CENPE: variants seen among roughly 807,000 people sequenced by gnomAD.
The protein encoded by CENPE is centromere-associated protein E.
CENPE carries 145 observed loss-of-function variants against 336.1 expected under a neutral mutation model. That is an observed-to-expected ratio of 0.43 (90% CI 0.38 to 0.50). The LOEUF (loss-of-function observed/expected upper bound fraction) is 0.50, where lower values mean the gene tolerates loss of function less well. Among genes scored for constraint, CENPE ranks in the 20% least tolerant of loss-of-function variants. CENPE has a pLI of 0.00. For missense variants in CENPE, 2,719 were observed against 3,023.3 expected, an observed-to-expected ratio of 0.90 and a Z score of 2.36; for synonymous variants, 1,013 against 984.8, an observed-to-expected ratio of 1.03 and a Z score of -0.54.
At chr4:103,171,332 C>T (rs1234416180) in intron 16 of CENPE, among the ~76,000 whole-genome samples, 1 of 151,830 alleles carries the variant, frequency 6.6e-6, no homozygotes, top group Non-Finnish European at 1.5e-5. Flanking sequence ...CTTTTCTGAC[C>T]ACAATGACAT....
At position 103,176,926 on chromosome 4, in the gene CENPE, T is replaced by C. The variant is rs912657532; in HGVS notation, c.1363A>G (p.Ile455Val). ...NITTKTHKLS[I>V]NLLREIDESV... ...TCATCAATTTCTCGTAATAAATTTA[T>C]AGAAAGCTTATGTGTTTTTGTTGTT... Residue 455 changes from isoleucine to valine, a missense_variant, in exon 14 of 49, where the codon ATA (isoleucine) becomes GTA (valine). By Grantham distance (29) the Ile-to-Val change is conservative (BLOSUM62 3). Transcript: ENST00000265148. The C allele has an allele frequency of 7.5e-6, 12 of 1,589,724 alleles. No homozygotes were observed. Among genetic ancestry groups the C allele is most frequent in the South Asian group, 1.1e-5 (1 of 87,238 alleles).
Position 103,138,435 on chromosome 4 carries a change from G to C in CENPE, c.6219C>G (p.His2073Gln), listed in dbSNP as rs1450896756. The C allele has an allele frequency of 6.2e-7, 1 of 1,613,344 alleles. No homozygotes were observed. The highest frequency in any genetic ancestry group is 1.1e-5 in the South Asian group (1 of 91,056). The change falls in exon 39 of 49, where the codon CAC becomes CAG. Residue 2073 changes from histidine to glutamine, a missense_variant. Transcript: ENST00000265148. Reference protein sequence around the residue: ...REMIARDRQNHQVKPEKRLLS... With the variant: ...REMIARDRQNQQVKPEKRLLS... ...GTAACCTTTTTTCAGGTTTTACTTG[G>C]TGGTTCTGTCGGTCCTGCTTTGGTA...
At chr4:103,122,321 T>C (rs1173432484) in intron 43 of CENPE, among the ~76,000 whole-genome samples, 3 of 152,224 alleles carry the variant, frequency 2.0e-5, no homozygotes, top group Admixed American at 2.0e-4. Flanking sequence ...TTTACGCATG[T>C]TGTTAGATTC....
chr4:103,116,703 A>T lies in CENPE; in HGVS notation c.7330-14T>A. ...AGCAACTTTGTCCTAAATTTTTTTT[A>T]GAGAAAATAAAAATAATTATTAGAG... On this transcript the variant is annotated splice_polypyrimidine_tract_variant and intron_variant, in intron 44 of 48. Transcript: ENST00000265148. 1 of 1,412,132 alleles carries T rather than the reference A, an allele frequency of 7.1e-7. No homozygotes were observed. Among genetic ancestry groups the T allele is most frequent in the Non-Finnish European group, 9.7e-7 (1 of 1,028,066 alleles). 87.5% of individuals were successfully genotyped at this position (1,412,132 alleles called of 1,614,324 possible).
chr4:103,124,093 T>A (rs1384972560), intron 42 of CENPE, among the ~76,000 whole-genome samples: 3 of 152,214 alleles, frequency 2.0e-5, no homozygotes, highest in Admixed American at 6.5e-5. Flanking sequence ...TAAATTAAAC[T>A]TTATCATAGG....
rs1560655318 is a variant in CENPE, at chr4:103,169,433, T to A, written c.1647+5303A>T. 2.0e-5 allele frequency among the ~76,000 whole-genome samples: 3 copies of A among 152,212 alleles called. No individual in the cohort carries two copies. In the South Asian group the frequency reaches 6.2e-4, roughly 32 times the overall value. On this transcript the variant is annotated intron_variant, in intron 16 of 48. Coordinates refer to ENST00000265148, the MANE Select transcript of CENPE (RefSeq NM_001813.3). ...ATCCACATATAGGAAGGTCAAAGGT[T>A]ACCAATCAAATTCAATCTAAATGAC... is the stretch of plus-strand genomic sequence containing the variant.
At chr4:103,125,635 C>A (rs527560873) in intron 42 of CENPE, among the ~76,000 whole-genome samples, 1 of 151,922 alleles carries the variant, frequency 6.6e-6, no homozygotes, top group Non-Finnish European at 1.5e-5. Context: ...CAGTCCGAGG[C>A]GGGCAGATCA....
intron 16 of CENPE, among the ~76,000 whole-genome samples, chr4:103,167,760 T>C (rs951430613): frequency 6.6e-6 from 1 of 152,194 alleles, no homozygotes; most frequent in Non-Finnish European, 1.5e-5. Context: ...CCCAGGTTCA[T>C]ATGCAGAAAT....
At chr4:103,176,736 A>G (rs1370794203) in intron 14 of CENPE, among the ~76,000 whole-genome samples, 163 bp downstream of exon 14, 10 of 152,048 alleles carry the variant, frequency 6.6e-5, no homozygotes, top group Non-Finnish European at 1.3e-4. Context: ...GTTTTTTTGT[A>G]TTTTTAGAAT....
At chr4:103,120,615 A>G (rs1297092726) in intron 43 of CENPE, among the ~76,000 whole-genome samples, 1 of 152,240 alleles carries the variant, frequency 6.6e-6, no homozygotes, top group Non-Finnish European at 1.5e-5. Flanking sequence ...GCGATTTATT[A>G]GTTAGCATAG....
In CENPE at chr4:103,180,293, G is replaced by A; in HGVS notation, c.1242+18C>T. On this transcript the variant is annotated intron_variant, in intron 13 of 48. Coordinates refer to ENST00000265148, the MANE Select transcript of CENPE (RefSeq NM_001813.3). ...ATTCTCTGTACATCAAGTTTAAGCT[G>A]TCATCTTTTAATTTTACCTTTAATT... The A allele has an allele frequency of 3.7e-6, 6 of 1,603,802 alleles. No homozygotes were observed. The highest frequency in any genetic ancestry group is 2.2e-5 in the East Asian group (1 of 44,726).
intron 47 of CENPE, among the ~76,000 whole-genome samples, chr4:103,110,454 G>A (rs1179321816): frequency 1.3e-5 from 2 of 152,084 alleles, no homozygotes; most frequent in Non-Finnish European, 2.9e-5. Flanking sequence ...GGTAGAAGCC[G>A]AATAATTTGT....
chr4:103,182,431 C>G (rs1162233398), intron 11 of CENPE, among the ~76,000 whole-genome samples: 8 of 151,912 alleles, frequency 5.3e-5, no homozygotes, highest in Non-Finnish European at 1.2e-4. Flanking sequence ...TTTTTGTTAC[C>G]TTCTATTTGT....
chr4:103,117,556 T>G (rs1366586584), intron 44 of CENPE, among the ~76,000 whole-genome samples: 1 of 152,040 alleles, frequency 6.6e-6, no homozygotes, highest in Non-Finnish European at 1.5e-5. Context: ...TCATACAGTA[T>G]GTAGCCTTTC....
At chr4:103,113,573 A>T (rs913311597) in intron 46 of CENPE, among the ~76,000 whole-genome samples, 1 of 142,352 alleles carries the variant, frequency 7.0e-6, no homozygotes, top group African/African-American at 2.6e-5. Flanking sequence ...AGTAATATAT[A>T]TTTTATATTA....
At position 103,180,362 on chromosome 4, in the gene CENPE, T is replaced by C. The variant is rs772884658; in HGVS notation, c.1191A>G (p.Leu397=). 1.4e-5 allele frequency: 22 copies of C among 1,613,418 alleles called. No homozygotes were observed. Among genetic ancestry groups the C allele is most frequent in the Non-Finnish European group, 1.9e-5 (22 of 1,179,562 alleles). ...QKVQNEKIEN[L]TRMLVTSSSL... ...AAGAAGAGGTCACCAGCATCCGTGT[T>C]AAGTTTTCAATTTTCTCATTCTGTA... The change falls in exon 13 of 49, where the codon TTA becomes TTG. Residue 397 remains leucine (L), a synonymous_variant. Transcript: ENST00000265148.
Position 103,151,324 on chromosome 4 carries a change from T to C in CENPE, c.3291A>G (p.Gln1097=), listed in dbSNP as rs1237193585. The C allele has an allele frequency of 5.0e-6, 8 of 1,604,868 alleles. No individual in the cohort carries two copies. The highest frequency in any genetic ancestry group is 1.1e-5 in the South Asian group (1 of 87,954). The part of the protein sequence containing the change: ...LRLLGDELKK[Q]QEIVAQEKNH... Reference sequence around the variant, plus strand: ...TCTTTTCTTGTGCAACTATCTCTTGTTGCTTTTTAAGTTCATCCCCAAGAA... The same window carrying C: ...TCTTTTCTTGTGCAACTATCTCTTGCTGCTTTTTAAGTTCATCCCCAAGAA... The change falls in exon 26 of 49, where the codon CAA becomes CAG. Residue 1097 remains glutamine, a synonymous_variant. Coordinates refer to ENST00000265148, the MANE Select transcript of CENPE (RefSeq NM_001813.3).
chr4:103,147,367 T>G lies in CENPE; in HGVS notation c.4123A>C (p.Thr1375Pro). Residue 1375 changes from threonine to proline, a missense_variant, in exon 29 of 49, where the codon ACT becomes CCT. Coordinates refer to ENST00000265148, the MANE Select transcript of CENPE (RefSeq NM_001813.3). Reference protein sequence around the residue: ...HDQLKEHIRETLAKIQESQSK... With the variant: ...HDQLKEHIREPLAKIQESQSK... ...AATACGAAACTTACTTTAGCCAAAG[T>G]TTCTCTAATATGTTCTTTCAGCTGG... is the stretch of plus-strand genomic sequence containing the variant. 1 of 1,593,852 alleles carries G rather than the reference T, an allele frequency of 6.3e-7. No homozygotes were observed. The highest frequency in any genetic ancestry group is 8.5e-7 in the Non-Finnish European group (1 of 1,174,106).
chr4:103,154,651 A>G (rs893561754), intron 24 of CENPE, among the ~76,000 whole-genome samples: 1 of 152,184 alleles, frequency 6.6e-6, no homozygotes, highest in African/African-American at 2.4e-5. Flanking sequence ...ATTTTCTGTA[A>G]TGATAGCCAA....
Sources: gnomAD v4.1 joint callset for allele counts (sites outside exome capture counted in the v4.1 genomes callset) on GRCh38, gnomAD v4.1.1 for gene constraint, MANE v1.5 for transcripts, NCBI Gene and HGNC (gene_info 2026-07-23, HGNC 2026-07-21) for gene names.